Variants in ZNRF3 observed in about 807,000 individuals in gnomAD.
ZNRF3 encodes E3 ubiquitin-protein ligase ZNRF3.
ZNRF3 carries 23 observed loss-of-function variants against 72.5 expected under a neutral mutation model. The ratio of observed to expected loss-of-function variants is 0.32; its 90% CI spans 0.23 to 0.45. The LOEUF (loss-of-function observed/expected upper bound fraction) is 0.45. Among genes scored for constraint, ZNRF3 ranks in the 20% least tolerant of loss-of-function variants. ZNRF3 has a pLI of 1.00. For missense variants in ZNRF3, 1,169 were observed against 1,272.1 expected (o/e 0.92, Z 1.23); for synonymous variants, 610 against 545.3 (o/e 1.12, Z -1.65).
At chr22:28,978,193 C>A (rs80096697) in intron 1 of ZNRF3, among the ~76,000 whole-genome samples, 36 of 152,258 alleles carry the variant, frequency 2.4e-4, no homozygotes, top group African/African-American at 8.2e-4. Flanking sequence ...AGTAACTATT[C>A]AGAAATGCAA....
chr22:29,011,796 C>G (rs938706040), intron 2 of ZNRF3, among the ~76,000 whole-genome samples: 1 of 152,252 alleles, frequency 6.6e-6, no homozygotes, highest in African/African-American at 2.4e-5. Context: ...GGGAATGGCA[C>G]TTTGGCAAAT....
intron 2 of ZNRF3, among the ~76,000 whole-genome samples, chr22:29,035,974 T>C (rs2036860052): frequency 6.6e-6 from 1 of 152,138 alleles, no homozygotes; most frequent in South Asian, 2.1e-4. Context: ...CCCAAGTAGC[T>C]GGGATTATAG....
chr22:28,958,952 G>C (rs771499711), intron 1 of ZNRF3, among the ~76,000 whole-genome samples: 1 of 152,184 alleles, frequency 6.6e-6, no homozygotes, highest in Non-Finnish European at 1.5e-5. Context: ...GAGAAGAATG[G>C]AGTCACTTGG....
At chr22:28,948,640 C>T (rs893125489) in intron 1 of ZNRF3, among the ~76,000 whole-genome samples, 2 of 152,316 alleles carry the variant, frequency 1.3e-5, no homozygotes, top group South Asian at 4.1e-4. Flanking sequence ...TCTAGCCTTA[C>T]ACAGATATGT....
At chr22:28,902,820 T>C (rs879372849) in intron 1 of ZNRF3, among the ~76,000 whole-genome samples, 3 of 152,192 alleles carry the variant, frequency 2.0e-5, no homozygotes, top group South Asian at 2.1e-4. Context: ...GGGGATGAGG[T>C]TGAAGAAAAT....
chr22:29,049,976 T>G lies in ZNRF3; in HGVS notation c.1795T>G (p.Tyr599Asp), dbSNP rs1205078265. The G allele has an allele frequency of 1.9e-6, 3 of 1,612,164 alleles. No individual in the cohort carries two copies. In the African/African-American group the frequency reaches 4.0e-5, roughly 22 times the overall value. Residue 599 changes from tyrosine to aspartate, a missense_variant, in exon 8 of 9, where the codon TAC (tyrosine) becomes GAC (aspartate). Transcript: ENST00000544604. The surrounding 1 kb of genome is among the most constrained non-coding windows in gnomAD (Gnocchi z 5.2). The stretch of plus-strand genomic sequence containing the variant: ...CAGCAGCGACTATGACCCCTTCATC[T>G]ACCGCAGCCGGAGCCCCTGTCGTGC... Reference protein sequence around the residue: ...SLSSDYDPFIYRSRSPCRASE... With the variant: ...SLSSDYDPFIDRSRSPCRASE...
intron 2 of ZNRF3, among the ~76,000 whole-genome samples, chr22:29,024,142 T>G (rs1296032234): frequency 2.0e-5 from 3 of 152,224 alleles, no homozygotes; most frequent in Non-Finnish European, 4.4e-5. Context: ...GGGATTAAGC[T>G]GTTCTTTTGC....
intron 1 of ZNRF3, among the ~76,000 whole-genome samples, chr22:28,946,483 C>T (rs2035054304): frequency 1.3e-5 from 2 of 152,218 alleles, no homozygotes; most frequent in East Asian, 1.9e-4. Flanking sequence ...TGATGCCTGA[C>T]TTCAAAATGA....
At position 29,048,545 on chromosome 22, in the gene ZNRF3, G is replaced by T; in HGVS notation, c.1015+54G>T. The T allele has an allele frequency of 6.4e-7, 1 of 1,556,972 alleles. No individual in the cohort carries two copies. Among genetic ancestry groups the T allele is most frequent in the South Asian group, 1.1e-5 (1 of 89,588 alleles). Reference sequence around the variant, plus strand: ...GAAGAGTCAAGTGCCTAGCTAGAGTGTGACACACACCGCAGGCTTGGGAAC... The same window carrying T: ...GAAGAGTCAAGTGCCTAGCTAGAGTTTGACACACACCGCAGGCTTGGGAAC... On this transcript the variant is annotated intron_variant, in intron 7 of 8. Coordinates refer to ENST00000544604, the MANE Select transcript of ZNRF3 (RefSeq NM_001206998.2). The surrounding 1 kb of genome is among the most constrained non-coding windows in gnomAD (Gnocchi z 4.9).
At chr22:28,894,783 A>G (rs2033960022) in intron 1 of ZNRF3, among the ~76,000 whole-genome samples, 1 of 152,212 alleles carries the variant, frequency 6.6e-6, no homozygotes. Flanking sequence ...TTAAGCAGCA[A>G]GCATATAGGC....
rs370896236 is a variant in ZNRF3 at position 29,042,512 on chromosome 22, G to A, written c.444G>A (p.Gln148=). Residue 148 remains glutamine (Q), a synonymous_variant, in exon 3 of 9, where the codon CAG becomes CAA. Transcript: ENST00000544604. Reference sequence around the variant, plus strand: ...TCTGGCAGGCCAAGCGAGCAGTACAGCGGGGAGCTACTGCAGTCATCTTTG... The same window carrying A: ...TCTGGCAGGCCAAGCGAGCAGTACAACGGGGAGCTACTGCAGTCATCTTTG... ...TVLGKAKRAV[Q]RGATAVIFDV... The A allele has an allele frequency of 6.2e-6, 10 of 1,613,874 alleles. No individual in the cohort carries two copies. Among genetic ancestry groups the A allele is most frequent in the Non-Finnish European group, 8.5e-6 (10 of 1,180,018 alleles).
chr22:28,996,099 T>C (rs923251177), intron 2 of ZNRF3, among the ~76,000 whole-genome samples: 1 of 152,068 alleles, frequency 6.6e-6, no homozygotes, highest in Non-Finnish European at 1.5e-5. Flanking sequence ...TGTAATATTA[T>C]TTTGAAATTA....
At chr22:29,053,554 G>A in intron 8 of ZNRF3, 25 bp from the exon 9 acceptor site, 2 of 1,612,966 alleles carry the variant, frequency 1.2e-6, no homozygotes, top group East Asian at 2.2e-5. Context: ...TCCCTCCCCT[G>A]ATGATTGTTC....
intron 2 of ZNRF3, among the ~76,000 whole-genome samples, chr22:28,996,946 C>A (rs2036054560): frequency 6.6e-6 from 1 of 152,158 alleles, no homozygotes; most frequent in Non-Finnish European, 1.5e-5. Flanking sequence ...CGCATGCCAT[C>A]CTCATTGGGG....
In ZNRF3 at chr22:28,955,241, G is replaced by GT. The variant is rs554635941; in HGVS notation, c.301-31834dup. 1.5e-3 allele frequency among the ~76,000 whole-genome samples: 218 copies of GT among 147,596 alleles called. 1 individual carries two copies. The highest frequency in any genetic ancestry group is 7.6e-3 in the Middle Eastern group (2 of 262). On this transcript the variant is annotated intron_variant, in intron 1 of 8. Coordinates refer to ENST00000544604, the MANE Select transcript of ZNRF3 (RefSeq NM_001206998.2). ...AATGTTTTGTAGCGATGGAGTCTTG[G>GT]TGTGTTGCCCAGGCTGGCCTTGAAC...
intron 1 of ZNRF3, among the ~76,000 whole-genome samples, chr22:28,913,716 G>C (rs1019979258): frequency 6.6e-6 from 1 of 152,182 alleles, no homozygotes; most frequent in Non-Finnish European, 1.5e-5. Flanking sequence ...ATTTCTACTG[G>C]AATGGGAAGA....
intron 1 of ZNRF3, among the ~76,000 whole-genome samples, chr22:28,928,127 C>A (rs941204459): frequency 6.6e-6 from 1 of 152,164 alleles, no homozygotes; most frequent in Non-Finnish European, 1.5e-5. Context: ...CCAACCTTCT[C>A]TTTTGGTCTG....
intron 1 of ZNRF3, among the ~76,000 whole-genome samples, chr22:28,963,148 C>T (rs1184401023): frequency 6.6e-6 from 1 of 152,208 alleles, no homozygotes; most frequent in Non-Finnish European, 1.5e-5. Context: ...TTGGGTGGGA[C>T]TGGAGCTAAC....
At chr22:29,019,664 T>A (rs2036495046) in intron 2 of ZNRF3, among the ~76,000 whole-genome samples, 1 of 152,186 alleles carries the variant, frequency 6.6e-6, no homozygotes, top group African/African-American at 2.4e-5. Context: ...ACTAGATCAA[T>A]GATTAGCAAT....
Sources: allele counts gnomAD v4.1 joint callset (sites outside exome capture counted in the v4.1 genomes callset), GRCh38; gene constraint gnomAD v4.1.1; non-coding constraint Gnocchi (gnomAD v3.1); transcripts MANE v1.5; gene names NCBI Gene and HGNC (gene_info 2026-07-23, HGNC 2026-07-21).